Variants in DCP2 observed in about 807,000 individuals in gnomAD.
DCP2 encodes the protein decapping mRNA 2, also known as m7GpppN-mRNA hydrolase.
A neutral mutation model predicts 56.1 loss-of-function variants in DCP2; 30 were observed. The ratio of observed to expected loss-of-function variants is 0.53; its 90% CI spans 0.40 to 0.73. DCP2 has a LOEUF of 0.73. DCP2 is among the 30% of genes least tolerant of loss of function. The probability of loss-of-function intolerance (pLI) is 0.00; values close to 1 mark genes in which losing one functional copy is unlikely to be tolerated. For missense variants in DCP2, 533 were observed against 502.7 expected (o/e 1.06, Z -0.58); for synonymous variants, 197 against 163.3 (o/e 1.21, Z -1.57).
chr5:112,995,634 C>T (rs969143516), intron 4 of DCP2, among the ~76,000 whole-genome samples: 1 of 152,180 alleles, frequency 6.6e-6, no homozygotes, highest in Non-Finnish European at 1.5e-5. Flanking sequence ...AATAAAAATT[C>T]TAACCTCTAA....
chr5:112,999,029 A>T (rs773795186), intron 4 of DCP2, among the ~76,000 whole-genome samples: 2 of 152,208 alleles, frequency 1.3e-5, no homozygotes, highest in Non-Finnish European at 2.9e-5. Context: ...TTTGCATTTA[A>T]TTGACACGTC....
At position 113,013,304 on chromosome 5, in the gene DCP2, G is replaced by GT; in HGVS notation, c.1100-11dup. 1.3e-6 allele frequency: 2 copies of GT among 1,595,912 alleles called. No individual in the cohort carries two copies. The highest frequency in any genetic ancestry group is 8.5e-7 in the Non-Finnish European group (1 of 1,170,624). On this transcript the variant is annotated splice_polypyrimidine_tract_variant and intron_variant, in intron 10 of 10. Coordinates refer to ENST00000389063, the MANE Select transcript of DCP2 (RefSeq NM_152624.6). ...TAAGGTTACTGAGCTTATTTATTTT[G>GT]TTTTTTCTTTAAACAGATGCTGTAT...
rs142101526 is a variant in DCP2 at position 112,994,221 on chromosome 5, G to GA, written c.432+1452dup. Among the ~76,000 whole-genome samples, 1,135 of 144,264 alleles carry GA rather than the reference G, an allele frequency of 7.9e-3. 17 individuals carry two copies. Among genetic ancestry groups the GA allele is most frequent in the African/African-American group, 0.028 (1,064 of 38,380 alleles). 94.6% of individuals were successfully genotyped at this position (144,264 alleles called of 152,430 possible). ...GGGTCTTGCTCTGTTACTGAGGCTG[G>GA]AGTACAGTGACATGATGATAGTGCA... On this transcript the variant is annotated intron_variant, in intron 4 of 10. Transcript: ENST00000389063.
chr5:112,989,404 T>C (rs1049382746), intron 2 of DCP2, among the ~76,000 whole-genome samples: 1 of 151,616 alleles, frequency 6.6e-6, no homozygotes, highest in Non-Finnish European at 1.5e-5. Flanking sequence ...TAAATGTTAA[T>C]GTAATAAATG....
chr5:112,979,557 CTTA>C (rs897686664), intron 1 of DCP2, among the ~76,000 whole-genome samples: 25 of 152,186 alleles, frequency 1.6e-4, no homozygotes, highest in Admixed American at 1.3e-3. Flanking sequence ...AATTCTGTTG[CTTA>C]TTATTAGTGT....
chr5:112,982,069 C>T (rs146080370), intron 1 of DCP2, among the ~76,000 whole-genome samples: 1,700 of 152,274 alleles, frequency 0.011, 32 homozygotes, highest in African/African-American at 0.037. Flanking sequence ...TGCCAGGCCC[C>T]TTCTGGCTAT....
chr5:113,006,235 C>G (rs563646370), intron 8 of DCP2, among the ~76,000 whole-genome samples: 2 of 151,982 alleles, frequency 1.3e-5, no homozygotes, highest in African/African-American at 4.8e-5. Flanking sequence ...TAATGTTATT[C>G]CATTCCTAAA....
intron 2 of DCP2, among the ~76,000 whole-genome samples, chr5:112,990,949 T>C (rs1485860830): frequency 1.3e-5 from 2 of 152,082 alleles, no homozygotes; most frequent in Non-Finnish European, 2.9e-5. Flanking sequence ...TCTTTGAGGG[T>C]GTTTTGAGTT....
intron 5 of DCP2, 26 bp from the exon 6 acceptor site, chr5:113,001,331 A>G (rs775238310): frequency 6.3e-7 from 1 of 1,598,856 alleles, no homozygotes; most frequent in African/African-American, 1.3e-5. Flanking sequence ...AATTAACTAA[A>G]TGAATTATTT....
At chr5:112,986,167 C>A (rs1561686552) in intron 2 of DCP2, among the ~76,000 whole-genome samples, 181 bp downstream of exon 2, 1 of 151,972 alleles carries the variant, frequency 6.6e-6, no homozygotes, top group Non-Finnish European at 1.5e-5. Flanking sequence ...TAATCATAAT[C>A]ATTAATACTC....
At chr5:113,000,413 CA>C (rs1749114084) in intron 4 of DCP2, among the ~76,000 whole-genome samples, 2 of 110,624 alleles carry the variant, frequency 1.8e-5, no homozygotes, top group African/African-American at 6.6e-5. Context: ...CACACACACA[CA>C]CACACACACA....
In DCP2 at chr5:113,007,954, G is replaced by A. The variant is rs781502312; in HGVS notation, c.959G>A (p.Gly320Glu). 6.2e-7 allele frequency: 1 copy of A among 1,613,538 alleles called. No individual in the cohort carries two copies. Among genetic ancestry groups the A allele is most frequent in the South Asian group, 1.1e-5 (1 of 91,030 alleles). ...LLKGKNQSMR[G>E]NGRKQYQDSP... ...GGAAAACAGAATCAAAGTATGAGGG[G>A]AAATGGCAGAAAACAGTATCAAGAT... is the stretch of plus-strand genomic sequence containing the variant. Residue 320 changes from glycine (G) to glutamate (E), a missense_variant, in exon 9 of 11, where the codon GGA becomes GAA. Transcript: ENST00000389063.
chr5:112,986,019 C>G (rs369919660), intron 2 of DCP2, 33 bp downstream of exon 2: 6 of 1,481,920 alleles, frequency 4.0e-6, no homozygotes, highest in Admixed American at 1.8e-5. Context: ...GACTGACTTT[C>G]TTGTTAGCAA....
intron 8 of DCP2, 151 bp downstream of exon 8, chr5:113,004,228 G>A (rs1364645583): frequency 2.2e-6 from 2 of 890,684 alleles, no homozygotes; most frequent in Non-Finnish European, 3.3e-6. Flanking sequence ...TTGAAGCAGG[G>A]CTGAGGCTTC....
intron 4 of DCP2, among the ~76,000 whole-genome samples, chr5:112,998,440 G>C (rs1385694931): frequency 6.6e-6 from 1 of 152,070 alleles, no homozygotes; most frequent in African/African-American, 2.4e-5. Flanking sequence ...GGCTGAGTTG[G>C]GCACTCTCCT....
At chr5:113,005,730 T>C (rs1749398337) in intron 8 of DCP2, among the ~76,000 whole-genome samples, 1 of 152,186 alleles carries the variant, frequency 6.6e-6, no homozygotes, top group African/African-American at 2.4e-5. Flanking sequence ...TTATTCACAA[T>C]AGCCAAAAGG....
intron 4 of DCP2, 43 bp downstream of exon 4, chr5:112,992,813 G>A: frequency 6.8e-7 from 1 of 1,466,272 alleles, no homozygotes; most frequent in South Asian, 1.4e-5. Flanking sequence ...TGGCTATTAG[G>A]GTCTGAATGT....
At chr5:112,997,771 T>G (rs1459366398) in intron 4 of DCP2, among the ~76,000 whole-genome samples, 1 of 151,954 alleles carries the variant, frequency 6.6e-6, no homozygotes, top group East Asian at 1.9e-4. Flanking sequence ...CACGCCACCA[T>G]GTTTGGCTAA....
At chr5:113,010,940 G>C (rs4705747) in intron 10 of DCP2, 133 bp downstream of exon 10, 3 of 899,508 alleles carry the variant, frequency 3.3e-6, no homozygotes, top group Non-Finnish European at 4.9e-6. Flanking sequence ...TGTAGAAAGA[G>C]TTCATGTATG....
Sources: allele counts gnomAD v4.1 joint callset (sites outside exome capture counted in the v4.1 genomes callset), GRCh38; gene constraint gnomAD v4.1.1; transcripts MANE v1.5; gene names NCBI Gene and HGNC (gene_info 2026-07-23, HGNC 2026-07-21).